BRINP2: variants seen among roughly 807,000 people sequenced by gnomAD.
BRINP2 encodes BMP/retinoic acid-inducible neural-specific protein 2.
A neutral mutation model predicts 69.2 loss-of-function variants in BRINP2; 21 were observed. The observed-to-expected ratio is 0.30, with a 90% CI of 0.22 to 0.44. BRINP2 has a LOEUF of 0.44. BRINP2 is among the 20% of genes least tolerant of loss of function. The pLI, the probability that BRINP2 is intolerant of heterozygous loss-of-function variation, is 1.00. For missense variants in BRINP2, 877 were observed against 986.0 expected (o/e 0.89, Z 1.48); for synonymous variants, 380 against 394.1 (o/e 0.96, Z 0.42).
At chr1:177,252,087 C>T (rs1218197525) in intron 2 of BRINP2, among the ~76,000 whole-genome samples, 1 of 152,094 alleles carries the variant, frequency 6.6e-6, no homozygotes, top group Non-Finnish European at 1.5e-5. Context: ...TTCCATCCAG[C>T]CAATTAGAGA....
chr1:177,276,567 A>T lies in BRINP2; in HGVS notation c.1012+133A>T, dbSNP rs1651502144. On this transcript the variant is annotated intron_variant, in intron 6 of 7. Coordinates refer to ENST00000361539, the MANE Select transcript of BRINP2 (RefSeq NM_021165.4). ...ACATGACCACTTAATTGTGTCTGTG[A>T]CCTCAAGCAGGTTATATCACCACCC... The T allele has an allele frequency of 1.4e-4, 112 of 808,060 alleles. 1 individual carries two copies. The South Asian group carries it at 1.9e-3, about 14-fold the overall frequency. The allele number at this position is 808,060 out of a possible 1,614,324, so 50.1% of individuals were successfully genotyped here.
At chr1:177,263,802 A>C (rs1317714784) in intron 4 of BRINP2, among the ~76,000 whole-genome samples, 3 of 152,102 alleles carry the variant, frequency 2.0e-5, no homozygotes. Context: ...AAATGATTTA[A>C]AAACTCACTG....
intron 7 of BRINP2, among the ~76,000 whole-genome samples, chr1:177,279,162 C>A (rs1421520485): frequency 1.3e-5 from 2 of 152,128 alleles, no homozygotes; most frequent in South Asian, 2.1e-4. Flanking sequence ...ACAAATGATT[C>A]TGCTCTGGGT....
chr1:177,183,312 G>A (rs1454878030), intron 1 of BRINP2, among the ~76,000 whole-genome samples: 2 of 151,298 alleles, frequency 1.3e-5, no homozygotes, highest in African/African-American at 4.8e-5. Context: ...TGGTTCATGT[G>A]ATATGACAAA....
At chr1:177,216,915 C>T (rs1372958700) in intron 1 of BRINP2, among the ~76,000 whole-genome samples, 1 of 151,332 alleles carries the variant, frequency 6.6e-6, no homozygotes, top group Non-Finnish European at 1.5e-5. Context: ...TTATCTCTTG[C>T]TGCTCTCAGA....
chr1:177,253,935 T>C (rs537481834), intron 2 of BRINP2, among the ~76,000 whole-genome samples: 8 of 152,250 alleles, frequency 5.3e-5, no homozygotes, highest in African/African-American at 1.9e-4. Flanking sequence ...GATGAGCAGA[T>C]TTGGGATGGG....
intron 1 of BRINP2, among the ~76,000 whole-genome samples, chr1:177,220,490 A>AC (rs1021186969): frequency 1.3e-4 from 20 of 151,480 alleles, no homozygotes; most frequent in African/African-American, 4.6e-4. Flanking sequence ...ATGTGCCTGT[A>AC]CCCCCTTCAC....
chr1:177,211,856 C>T (rs1329572380), intron 1 of BRINP2, among the ~76,000 whole-genome samples: 6 of 152,070 alleles, frequency 3.9e-5, no homozygotes, highest in Non-Finnish European at 8.8e-5. Context: ...AACTTTTATC[C>T]CATCGTTTGG....
At chr1:177,198,043 G>A (rs1285012068) in intron 1 of BRINP2, among the ~76,000 whole-genome samples, 1 of 152,154 alleles carries the variant, frequency 6.6e-6, no homozygotes, top group African/African-American at 2.4e-5. Context: ...AGGGGGGAGT[G>A]CGACAGTGGT....
At chr1:177,275,548 G>A (rs1305868246) in intron 5 of BRINP2, among the ~76,000 whole-genome samples, 1 of 152,138 alleles carries the variant, frequency 6.6e-6, no homozygotes, top group African/African-American at 2.4e-5. Flanking sequence ...CTTAGGACTT[G>A]GATTTCCTTA....
chr1:177,206,854 T>A (rs1649082879), intron 1 of BRINP2, among the ~76,000 whole-genome samples: 1 of 152,132 alleles, frequency 6.6e-6, no homozygotes, highest in Admixed American at 6.5e-5. Flanking sequence ...AGTTAGTCCA[T>A]CTATCTAAGA....
chr1:177,242,859 G>T (rs1433204775), intron 2 of BRINP2, among the ~76,000 whole-genome samples: 1 of 152,174 alleles, frequency 6.6e-6, no homozygotes, highest in Non-Finnish European at 1.5e-5. Context: ...ACAAGTGGTT[G>T]AGACTCAAGG....
At chr1:177,223,706 GC>G (rs1649609151) in intron 1 of BRINP2, among the ~76,000 whole-genome samples, 1 of 152,054 alleles carries the variant, frequency 6.6e-6, no homozygotes, top group African/African-American at 2.4e-5. Flanking sequence ...TCTTACCATT[GC>G]ATAATTATTA....
intron 1 of BRINP2, among the ~76,000 whole-genome samples, chr1:177,182,533 C>T (rs1648292081): frequency 6.6e-6 from 1 of 152,162 alleles, no homozygotes; most frequent in Non-Finnish European, 1.5e-5. Flanking sequence ...TATGCAAAGG[C>T]TCAAGCAGAA....
chr1:177,264,639 T>A (rs1037251454), intron 4 of BRINP2, among the ~76,000 whole-genome samples: 1 of 152,152 alleles, frequency 6.6e-6, no homozygotes, highest in South Asian at 2.1e-4. Context: ...TGTGCAAAAA[T>A]CACAAGCATT....
intron 1 of BRINP2, among the ~76,000 whole-genome samples, chr1:177,184,751 T>C (rs1648378283): frequency 6.6e-6 from 1 of 151,034 alleles, no homozygotes; most frequent in African/African-American, 2.5e-5. Flanking sequence ...AAAACCCCAA[T>C]ACCTCATCGT....
intron 2 of BRINP2, among the ~76,000 whole-genome samples, chr1:177,238,061 G>A (rs1276134008): frequency 6.6e-6 from 1 of 152,164 alleles, no homozygotes; most frequent in Non-Finnish European, 1.5e-5. Context: ...TCTTCATTCA[G>A]CCCATGTTTA....
intron 1 of BRINP2, among the ~76,000 whole-genome samples, chr1:177,190,971 C>G (rs1648578550): frequency 6.6e-6 from 1 of 152,086 alleles, no homozygotes; most frequent in Non-Finnish European, 1.5e-5. Context: ...CATCCTTAAC[C>G]AATAGCATAA....
chr1:177,213,668 C>T (rs760478615), intron 1 of BRINP2, among the ~76,000 whole-genome samples: 11 of 152,108 alleles, frequency 7.2e-5, no homozygotes, highest in African/African-American at 1.4e-4. Context: ...GAGTCGTGGA[C>T]GTGTGCAAGT....
Sources: allele counts gnomAD v4.1 joint callset (sites outside exome capture counted in the v4.1 genomes callset), GRCh38; gene constraint gnomAD v4.1.1; transcripts MANE v1.5; gene names NCBI Gene and HGNC (gene_info 2026-07-23, HGNC 2026-07-21).